Variants in SYNJ2 observed in about 807,000 individuals in gnomAD.
SYNJ2 encodes synaptojanin 2, also known as polyphosphatidylinositol phosphatase SYNJ2.
Under a neutral mutation model 141.3 loss-of-function variants are expected in SYNJ2, and 116 were observed. The ratio of observed to expected loss-of-function variants is 0.82; its 90% CI spans 0.71 to 0.96. The LOEUF is 0.96. Among genes scored for constraint, SYNJ2 ranks in the 40% least tolerant of loss-of-function variants. The pLI is 0.00. For missense variants in SYNJ2, 1,873 were observed against 1,934.8 expected, an observed-to-expected ratio of 0.97 and a Z score of 0.60; for synonymous variants, 745 against 777.7, an observed-to-expected ratio of 0.96 and a Z score of 0.70.
chr6:158,083,404 C>T, intron 20 of SYNJ2, 25 bp from the exon 21 acceptor site: 1 of 1,607,090 alleles, frequency 6.2e-7, no homozygotes, highest in Non-Finnish European at 8.5e-7. Flanking sequence ...TTATTTATTC[C>T]TGGGTGGCCG....
intron 1 of SYNJ2, among the ~76,000 whole-genome samples, chr6:158,010,538 T>TG (rs1306098130): frequency 5.3e-5 from 8 of 152,204 alleles, no homozygotes; most frequent in Admixed American, 2.0e-4. Context: ...AGACGGTCAA[T>TG]GGGGCAGTCA....
rs1032797008 is a variant in SYNJ2, at chr6:157,984,409, T to C, written c.127+2321T>C. Among the ~76,000 whole-genome samples the C allele has an allele frequency of 2.0e-5, 3 of 152,140 alleles. No homozygotes were observed. The East Asian group carries it at 5.8e-4, about 29-fold the overall frequency. ...TTGGAGAAAGTGATTATTTTTTTTC[T>C]TTTTTTTGAGATGGAGCTTCACTCT... On this transcript the variant is annotated intron_variant, in intron 1 of 26. Transcript: ENST00000355585.
rs2128375767 is a variant in SYNJ2 at position 158,071,761 on chromosome 6, C to T, written c.2100C>T (p.Tyr700=). Residue 700 remains tyrosine, a synonymous_variant, in exon 15 of 27, where the codon TAC becomes TAT. Coordinates refer to ENST00000355585, the MANE Select transcript of SYNJ2 (RefSeq NM_003898.4). This position sits in a 1 kb window ranked among gnomAD's most constrained non-coding sequence, Gnocchi z 4.3. The part of the protein sequence containing the change: ...QSQVKERNED[Y]KEITQKLCFP... ...AGGTGAAGGAGCGGAATGAAGACTACAAGGAGATCACCCAGAAACTCTGCT... is the reference window on the plus strand; with the variant it reads ...AGGTGAAGGAGCGGAATGAAGACTATAAGGAGATCACCCAGAAACTCTGCT... 2 of 1,613,788 alleles carry T rather than the reference C, an allele frequency of 1.2e-6. No homozygotes were observed. Among genetic ancestry groups the T allele is most frequent in the African/African-American group, 1.3e-5 (1 of 75,050 alleles).
chr6:157,993,057 T>C (rs1777509730), intron 1 of SYNJ2, among the ~76,000 whole-genome samples: 1 of 152,252 alleles, frequency 6.6e-6, no homozygotes, highest in African/African-American at 2.4e-5. Context: ...ATAGTACATA[T>C]AGTACATAAC....
At chr6:158,009,275 C>T (rs758366578) in intron 1 of SYNJ2, among the ~76,000 whole-genome samples, 13 of 152,188 alleles carry the variant, frequency 8.5e-5, no homozygotes, top group South Asian at 6.2e-4. Flanking sequence ...GCTTGAGCAG[C>T]GCCCGCCTCT....
At chr6:158,026,417 C>T (rs373384209) in intron 2 of SYNJ2, among the ~76,000 whole-genome samples, 10 of 152,162 alleles carry the variant, frequency 6.6e-5, no homozygotes, top group East Asian at 1.9e-4. Context: ...GCGCCCCTTG[C>T]GGTGGGCGGG....
At chr6:157,987,610 C>A (rs1043646443) in intron 1 of SYNJ2, among the ~76,000 whole-genome samples, 4 of 152,092 alleles carry the variant, frequency 2.6e-5, no homozygotes, top group Non-Finnish European at 4.4e-5. Context: ...CCGTGTTGGC[C>A]AAGCTGGTCT....
Position 158,083,586 on chromosome 6 carries a change from A to T in SYNJ2, c.3023A>T (p.Tyr1008Phe). The T allele has an allele frequency of 6.2e-7, 1 of 1,614,214 alleles. No homozygotes were observed. Among genetic ancestry groups the T allele is most frequent in the Non-Finnish European group, 8.5e-7 (1 of 1,180,048 alleles). The part of the protein sequence containing the change: ...EENFDFTSLD[Y>F]ESEGDILEDD... ...AACTTTGACTTCACAAGTTTGGACT[A>T]TGAGTCAGAAGGTTAGTGACCCTGC... Residue 1008 changes from tyrosine to phenylalanine, a missense_variant, in exon 21 of 27, where the codon TAT becomes TTT. By Grantham distance (22) the Tyr-to-Phe change is conservative (BLOSUM62 3). Transcript: ENST00000355585.
chr6:158,091,191 A>C (rs191577), intron 25 of SYNJ2, among the ~76,000 whole-genome samples: 2 of 151,218 alleles, frequency 1.3e-5, no homozygotes, highest in Non-Finnish European at 2.9e-5. Context: ...ATGGTGGGTG[A>C]CTGTAGTCCC....
intron 15 of SYNJ2, among the ~76,000 whole-genome samples, chr6:158,072,885 C>A (rs1419668902): frequency 6.6e-6 from 1 of 151,856 alleles, no homozygotes; most frequent in African/African-American, 2.4e-5. Context: ...GCCTGGCCAA[C>A]GTGGTGAAAC....
chr6:157,995,021 A>T (rs1411255561), intron 1 of SYNJ2, among the ~76,000 whole-genome samples: 1 of 152,196 alleles, frequency 6.6e-6, no homozygotes, highest in Non-Finnish European at 1.5e-5. Context: ...TGGGCCCCAG[A>T]CTGCCCATCC....
At chr6:158,093,851 A>G in intron 26 of SYNJ2, 2 of 762,896 alleles carry the variant, frequency 2.6e-6, no homozygotes, top group Non-Finnish European at 4.8e-6. Context: ...TCAGCCTACG[A>G]GAGGTTCCAC....
At chr6:158,037,425 G>A (rs1311500141) in intron 4 of SYNJ2, among the ~76,000 whole-genome samples, 13 of 135,926 alleles carry the variant, frequency 9.6e-5, no homozygotes, top group Non-Finnish European at 1.7e-4. Flanking sequence ...TTTTGGAGAC[G>A]GAGTCTCGCT....
chr6:157,986,058 T>C (rs1777191381), intron 1 of SYNJ2, among the ~76,000 whole-genome samples: 1 of 152,218 alleles, frequency 6.6e-6, no homozygotes, highest in Non-Finnish European at 1.5e-5. Context: ...TCAGGCATTA[T>C]GGCCAGATTT....
rs1252665424 is a variant in SYNJ2, at chr6:158,086,865, C to T, written c.3219C>T (p.Asp1073=). The change falls in exon 23 of 27, where the codon GAC becomes GAT. Residue 1073 remains aspartate (D), a synonymous_variant. Coordinates refer to ENST00000355585, the MANE Select transcript of SYNJ2 (RefSeq NM_003898.4). The stretch of plus-strand genomic sequence containing the variant: ...CGCCATGTCCTCCAGATGACGCGGA[C>T]CTGGTGGAGCTCAAGCGGGAGCTGG... ...KQHPTYKDDA[D]LVELKRELEA... The T allele has an allele frequency of 6.2e-7, 1 of 1,611,690 alleles. No homozygotes were observed. Among genetic ancestry groups the T allele is most frequent in the African/African-American group, 1.3e-5 (1 of 75,056 alleles).
chr6:157,984,705 G>A (rs1412289633), intron 1 of SYNJ2, among the ~76,000 whole-genome samples: 1 of 152,184 alleles, frequency 6.6e-6, no homozygotes, highest in Non-Finnish European at 1.5e-5. Flanking sequence ...TGCCTGACCC[G>A]AGAAGGTGAA....
At chr6:158,063,525 G>A (rs1384969108) in intron 8 of SYNJ2, among the ~76,000 whole-genome samples, 3 of 151,968 alleles carry the variant, frequency 2.0e-5, no homozygotes, top group Admixed American at 6.6e-5. Context: ...CGGGTGTGAT[G>A]GCACGCACCT....
intron 26 of SYNJ2, 86 bp downstream of exon 26, chr6:158,093,190 C>T (rs1171601208): frequency 1.4e-5 from 20 of 1,421,222 alleles, no homozygotes; most frequent in Non-Finnish European, 1.8e-5. Flanking sequence ...AATCCCAGCA[C>T]ATTGGGAAGC....
At position 158,064,851 on chromosome 6, in the gene SYNJ2, G is replaced by T. The variant is rs199932988; in HGVS notation, c.1385G>T (p.Arg462Leu). ...GTGGGGAAGCTGAAGGATGGAGCCC[G>T]GTCCATGTCTCGAACCATCCAGTCC... ...AKVGKLKDGA[R>L]SMSRTIQSNF... The change falls in exon 11 of 27, where the codon CGG becomes CTG. Residue 462 changes from arginine to leucine, a missense_variant. Coordinates refer to ENST00000355585, the MANE Select transcript of SYNJ2 (RefSeq NM_003898.4). 6.2e-7 allele frequency: 1 copy of T among 1,610,706 alleles called. No individual in the cohort carries two copies. The highest frequency in any genetic ancestry group is 2.2e-5 in the East Asian group (1 of 44,776).
Sources: allele counts gnomAD v4.1 joint callset (sites outside exome capture counted in the v4.1 genomes callset), GRCh38; gene constraint gnomAD v4.1.1; non-coding constraint Gnocchi (gnomAD v3.1); transcripts MANE v1.5; gene names NCBI Gene and HGNC (gene_info 2026-07-23, HGNC 2026-07-21).